The following FLACC1 variants were observed in gnomAD, a reference collection of about 807,000 sequenced individuals.
The protein encoded by FLACC1 is flagellum-associated coiled-coil domain-containing protein 1.
A neutral mutation model predicts 62.8 loss-of-function variants in FLACC1; 66 were observed. The ratio of observed to expected loss-of-function variants is 1.05; its 90% confidence interval spans 0.86 to 1.29. The LOEUF is 1.29. FLACC1 is among the 50% of genes most tolerant of loss of function. The pLI, the probability that FLACC1 is intolerant of heterozygous loss-of-function variation, is 0.00. For synonymous variants in FLACC1, 156 were observed against 161.0 expected, an observed-to-expected ratio of 0.97 and a Z score of 0.24; for missense variants, 452 against 489.1, an observed-to-expected ratio of 0.92 and a Z score of 0.71.
intron 11 of FLACC1, among the ~76,000 whole-genome samples, chr2:201,306,036 A>T (rs1009308632): frequency 6.6e-6 from 1 of 152,054 alleles, no homozygotes; most frequent in African/African-American, 2.4e-5. Flanking sequence ...ATACATATTT[A>T]ACACACTGGC....
At chr2:201,303,574 T>C (rs1466912204) in intron 11 of FLACC1, among the ~76,000 whole-genome samples, 2 of 152,182 alleles carry the variant, frequency 1.3e-5, no homozygotes, top group Non-Finnish European at 2.9e-5. Flanking sequence ...CCCTAACTCA[T>C]TTTATGAGGC....
chr2:201,358,919 C>T (rs1316276614), upstream of FLACC1, among the ~76,000 whole-genome samples: 1 of 152,200 alleles, frequency 6.6e-6, no homozygotes, highest in Non-Finnish European at 1.5e-5. Flanking sequence ...AGTTACTCTT[C>T]TAGTCCAGTG....
rs1265020052 is a variant in FLACC1 at position 201,289,641 on chromosome 2, G to GA, written c.1032+54dup. On this transcript the variant is annotated intron_variant, in intron 13 of 14. Transcript: ENST00000392257. ...AGGGCAGAGCTATATGGCAGAGCTG[G>GA]ATGGAGACCTGGGTTCTTCCCCCAA... The GA allele has an allele frequency of 4.3e-6, 7 of 1,611,682 alleles. No individual in the cohort carries two copies. The East Asian group carries it at 1.6e-4, about 36-fold the overall frequency.
At chr2:201,306,243 G>A (rs1206368659) in intron 11 of FLACC1, among the ~76,000 whole-genome samples, 1 of 152,124 alleles carries the variant, frequency 6.6e-6, no homozygotes, top group Non-Finnish European at 1.5e-5. Flanking sequence ...GAAAGAGAGA[G>A]AAGGGGGAGG....
Position 201,309,267 on chromosome 2 carries a change from G to C in FLACC1, c.676-17C>G. The C allele has an allele frequency of 6.3e-7, 1 of 1,583,362 alleles. No individual in the cohort carries two copies. The highest frequency in any genetic ancestry group is 8.7e-7 in the Non-Finnish European group (1 of 1,153,018). ...AATACTGTCCTGGGGAGGTACAAAG[G>C]CACCATGAAGAAAAGAGTCCTAAAA... On this transcript the variant is annotated splice_polypyrimidine_tract_variant and intron_variant, in intron 9 of 14. Transcript: ENST00000392257.
chr2:201,318,144 T>C (rs1950337780), intron 9 of FLACC1, among the ~76,000 whole-genome samples: 1 of 152,200 alleles, frequency 6.6e-6, no homozygotes, highest in South Asian at 2.1e-4. Context: ...ATAAAAATTC[T>C]AGAAGATAAC....
At chr2:201,356,042 G>C (rs16837205) in intron 1 of FLACC1, among the ~76,000 whole-genome samples, 5,060 of 152,242 alleles carry the variant, frequency 0.033, 240 homozygotes, top group African/African-American at 0.1. Flanking sequence ...CTTAGTTGCT[G>C]AATCATGAGG....
At chr2:201,305,143 T>G (rs996202743) in intron 11 of FLACC1, among the ~76,000 whole-genome samples, 4 of 152,198 alleles carry the variant, frequency 2.6e-5, no homozygotes, top group Middle Eastern at 3.4e-3. Flanking sequence ...AGAGTGAACA[T>G]GCAACCTACA....
rs201550765 is a variant in FLACC1, at chr2:201,288,817, T to G, written c.1143-36A>C. The G allele has an allele frequency of 6.8e-6, 11 of 1,606,442 alleles. No individual in the cohort carries two copies. In the Admixed American group the frequency reaches 1.2e-4, roughly 17 times the overall value. On this transcript the variant is annotated intron_variant, in intron 14 of 14. Coordinates refer to ENST00000392257, the MANE Select transcript of FLACC1 (RefSeq NM_001127391.3). ...AAAGGAAAGATGTATCAATGTCAAC[T>G]CAAAAGCTAGAAAGGGTATAGGATA...
Position 201,347,139 on chromosome 2 carries a change from T to TA in FLACC1, c.235-465dup, listed in dbSNP as rs556914159. On this transcript the variant is annotated intron_variant, in intron 4 of 14. Coordinates refer to ENST00000392257, the MANE Select transcript of FLACC1 (RefSeq NM_001127391.3). ...TTTGTGAGGGAAAAACAAAACAACA[T>TA]ATGAGAAAATGACTAGGACGGTTGC... Among the ~76,000 whole-genome samples, 1,208 of 132,670 alleles carry TA rather than the reference T, an allele frequency of 9.1e-3. 7 individuals carry two copies. The highest frequency in any genetic ancestry group is 0.012 in the Middle Eastern group (3 of 254). The allele number at this position is 132,670 out of a possible 152,430, so 87.0% of individuals were successfully genotyped here. A position where few individuals can be genotyped will look rare whatever the true frequency, so the allele number is the denominator to read the frequency against.
chr2:201,314,999 C>T (rs751419198), intron 9 of FLACC1, among the ~76,000 whole-genome samples: 3 of 152,060 alleles, frequency 2.0e-5, no homozygotes, highest in Non-Finnish European at 4.4e-5. Context: ...AAGAACTTGC[C>T]ACTACCAAGG....
At chr2:201,296,216 T>C (rs927553151) in intron 12 of FLACC1, among the ~76,000 whole-genome samples, 2 of 152,114 alleles carry the variant, frequency 1.3e-5, no homozygotes, top group Admixed American at 6.5e-5. Flanking sequence ...TGCACACGTA[T>C]GTTTATTGCG....
At chr2:201,358,562 G>A (rs1448655501), upstream of FLACC1, among the ~76,000 whole-genome samples, 2 of 150,586 alleles carry the variant, frequency 1.3e-5, no homozygotes, top group Non-Finnish European at 3.0e-5. Context: ...GACTACAGGC[G>A]CCCGCCACTA....
At chr2:201,342,909 G>A (rs1034397658) in intron 6 of FLACC1, among the ~76,000 whole-genome samples, 2 of 152,216 alleles carry the variant, frequency 1.3e-5, no homozygotes, top group African/African-American at 4.8e-5. Flanking sequence ...ATTCTAGCAG[G>A]CAGGATTTGC....
Position 201,289,582 on chromosome 2 carries a change from T to C in FLACC1, c.1033-16A>G, listed in dbSNP as rs774804206. ...CTATAGCTTTCTGAAAGACATACAT[T>C]TTAATAGCCATCTTCCCCAACCCAG... On this transcript the variant is annotated splice_polypyrimidine_tract_variant and intron_variant, in intron 13 of 14. Transcript: ENST00000392257. 1.2e-6 allele frequency: 2 copies of C among 1,613,834 alleles called. No homozygotes were observed. The highest frequency in any genetic ancestry group is 1.7e-6 in the Non-Finnish European group (2 of 1,179,734).
intron 7 of FLACC1, among the ~76,000 whole-genome samples, chr2:201,340,883 C>G (rs145473019): frequency 6.6e-6 from 1 of 152,286 alleles, no homozygotes; most frequent in African/African-American, 2.4e-5. Flanking sequence ...CTAAGGTATT[C>G]TTGGTAGGCA....
chr2:201,345,520 G>T (rs1950895876), intron 5 of FLACC1, among the ~76,000 whole-genome samples: 1 of 151,488 alleles, frequency 6.6e-6, no homozygotes, highest in Admixed American at 6.6e-5. Flanking sequence ...TGGTCTTTTA[G>T]ACTTGTGTGT....
chr2:201,324,353 ATAAAACAATTACTACTAGACC>A (rs1017500314), intron 9 of FLACC1, among the ~76,000 whole-genome samples: 11 of 152,342 alleles, frequency 7.2e-5, no homozygotes, highest in African/African-American at 2.6e-4. Context: ...TTGCAGATTC[ATAAAACAATTACTACTAGACC>A]TAAGAAATGA....
chr2:201,330,839 G>T lies in FLACC1; in HGVS notation c.525-6C>A. ...CATGGGCCTCTTTGAGCTCCCTGTG[G>T]GACCCCAGGAGAAGGCCACAATCAT... is the stretch of plus-strand genomic sequence containing the variant. On this transcript the variant is annotated splice_region_variant and splice_polypyrimidine_tract_variant and intron_variant, in intron 7 of 14. Coordinates refer to ENST00000392257, the MANE Select transcript of FLACC1 (RefSeq NM_001127391.3). 1 of 1,611,426 alleles carries T rather than the reference G, an allele frequency of 6.2e-7. No individual in the cohort carries two copies.
Sources: allele counts gnomAD v4.1 joint callset (sites outside exome capture counted in the v4.1 genomes callset), GRCh38; gene constraint gnomAD v4.1.1; transcripts MANE v1.5; gene names NCBI Gene and HGNC (gene_info 2026-07-23, HGNC 2026-07-21).